CCPG1: variants seen among roughly 807,000 people sequenced by gnomAD.
CCPG1 encodes the protein cell cycle progression protein 1.
In CCPG1, 46 loss-of-function variants were observed where a neutral mutation model predicts 81.3. That is an observed-to-expected ratio of 0.57 (90% CI 0.45 to 0.72). The LOEUF (loss-of-function observed/expected upper bound fraction) is 0.72, where lower values mean the gene tolerates loss of function less well. Ranked by LOEUF, CCPG1 falls within the 30% of genes least tolerant of loss-of-function variation. The pLI, the probability that CCPG1 is intolerant of heterozygous loss-of-function variation, is 0.00. For missense variants in CCPG1, 902 were observed against 937.6 expected (o/e 0.96, Z 0.50); for synonymous variants, 330 against 305.2 (o/e 1.08, Z -0.85).
intron 2 of CCPG1, among the ~76,000 whole-genome samples, chr15:55,387,685 C>A (rs147881191): frequency 0.27 from 41,167 of 151,302 alleles, 6,636 homozygotes; most frequent in Non-Finnish European, 0.37. Flanking sequence ...GCTGGGATTA[C>A]AGGCATGTGC....
chr15:55,401,598 G>A (rs1416409491), intron 1 of CCPG1, among the ~76,000 whole-genome samples: 1 of 151,644 alleles, frequency 6.6e-6, no homozygotes, highest in Non-Finnish European at 1.5e-5. Flanking sequence ...ACCAGGAGGT[G>A]GAGGTTGCAG....
intron 6 of CCPG1, among the ~76,000 whole-genome samples, chr15:55,365,830 G>A (rs568519064): frequency 4.6e-5 from 7 of 151,924 alleles, no homozygotes; most frequent in African/African-American, 9.7e-5. Context: ...AGTGGCTCAC[G>A]CCTGTAATCC....
chr15:55,397,856 A>T (rs916121980), intron 1 of CCPG1, among the ~76,000 whole-genome samples: 1 of 152,152 alleles, frequency 6.6e-6, no homozygotes, highest in Non-Finnish European at 1.5e-5. Flanking sequence ...GGATGCCTGT[A>T]GTCCCAGCTA....
chr15:55,404,486 T>C (rs993290479), intron 1 of CCPG1, among the ~76,000 whole-genome samples: 71 of 152,202 alleles, frequency 4.7e-4, no homozygotes, highest in African/African-American at 1.7e-3. Flanking sequence ...AAAACAAAAA[T>C]AGACATAAGC....
intron 7 of CCPG1, among the ~76,000 whole-genome samples, chr15:55,364,878 A>C (rs2056290031): frequency 6.6e-6 from 1 of 152,154 alleles, no homozygotes; most frequent in Admixed American, 6.5e-5. Flanking sequence ...ATCTCAAATA[A>C]ATAAACAAAC....
chr15:55,376,823 AGTCTT>A (rs2056575949), intron 5 of CCPG1, 121 bp downstream of exon 5: 2 of 665,778 alleles, frequency 3.0e-6, no homozygotes, highest in Admixed American at 2.9e-5. Context: ...ACACAAAAAT[AGTCTT>A]GTCTTGAGTT....
chr15:55,368,209 G>A (rs112815178), intron 6 of CCPG1, among the ~76,000 whole-genome samples: 6 of 152,216 alleles, frequency 3.9e-5, no homozygotes, highest in African/African-American at 1.4e-4. Flanking sequence ...TGTATATCAA[G>A]GGATGACTAT....
chr15:55,360,375 T>C lies in CCPG1; in HGVS notation c.1398A>G (p.Gly466=), dbSNP rs1002626663. 2 of 1,613,936 alleles carry C rather than the reference T, an allele frequency of 1.2e-6. No individual in the cohort carries two copies. The highest frequency in any genetic ancestry group is 1.7e-6 in the Non-Finnish European group (2 of 1,180,024). The change falls in exon 8 of 9, where the codon GGA becomes GGG. Residue 466 remains glycine (G), a synonymous_variant. Transcript: ENST00000442196. The part of the protein sequence containing the change: ...KDQNGKQGTD[G]KKKGGRGSHR... ...GGCTTCCTCTGCCCCCTTTCTTTTT[T>C]CCATCTGTTCCTTGTTTTCCATTTT...
Position 55,355,264 on chromosome 15 carries a change from T to C in CCPG1, c.*956A>G, listed in dbSNP as rs753741353. On this transcript the variant is annotated 3_prime_UTR_variant, in exon 9 of 9. Transcript: ENST00000442196. The stretch of plus-strand genomic sequence containing the variant: ...TCAGCAAAATGTAGCCTTTATTTAC[T>C]TAAACATTTATTTGCTTCTAGGAAA... 1.9e-6 allele frequency: 3 copies of C among 1,582,494 alleles called. No individual in the cohort carries two copies. In the South Asian group the frequency reaches 3.4e-5, roughly 18 times the overall value.
chr15:55,358,718 C>G (rs925688018), intron 8 of CCPG1: 2 of 985,454 alleles, frequency 2.0e-6, no homozygotes, highest in East Asian at 1.1e-4. Context: ...CATTTATTTA[C>G]TTAGCTTGTG....
At chr15:55,364,369 C>A (rs926783902) in intron 7 of CCPG1, among the ~76,000 whole-genome samples, 1 of 149,950 alleles carries the variant, frequency 6.7e-6, no homozygotes, top group Non-Finnish European at 1.5e-5. Context: ...CTTAGAGAGG[C>A]TATAAAACCA....
In CCPG1 at chr15:55,389,370, G is replaced by T. The variant is rs1454631376; in HGVS notation, c.55C>A (p.His19Asn). The change falls in exon 2 of 9, where the codon CAT becomes AAT. Residue 19 changes from histidine (H) to asparagine (N), a missense_variant. This residue lies in a region of CCPG1 where 28 missense variants were observed against 47.8 expected (regional missense o/e 0.59). Coordinates refer to ENST00000442196, the MANE Select transcript of CCPG1 (RefSeq NM_001204450.2). ...AAAAGTATTAAATATCATACCTCATGACTGATGACAGTCCAACCACAAGAT... is the reference window on the plus strand; with the variant it reads ...AAAAGTATTAAATATCATACCTCATTACTGATGACAGTCCAACCACAAGAT... ...DSSCGWTVIS[H>N]EGSDIEMLNS... The T allele has an allele frequency of 1.3e-6, 2 of 1,597,920 alleles. No individual in the cohort carries two copies. The highest frequency in any genetic ancestry group is 1.1e-5 in the South Asian group (1 of 90,702).
intron 3 of CCPG1, among the ~76,000 whole-genome samples, chr15:55,384,174 G>A (rs1595850058): frequency 1.3e-5 from 2 of 152,250 alleles, no homozygotes; most frequent in Non-Finnish European, 2.9e-5. Context: ...CAGGAACAGG[G>A]AGGCCAAAGG....
intron 1 of CCPG1, among the ~76,000 whole-genome samples, chr15:55,407,413 C>A (rs764119533): frequency 6.6e-6 from 1 of 152,160 alleles, no homozygotes; most frequent in African/African-American, 2.4e-5. Flanking sequence ...AGCGATATTT[C>A]AAGCACTATC....
intron 2 of CCPG1, among the ~76,000 whole-genome samples, chr15:55,386,193 CAAAAAAA>C (rs34646724): frequency 5.8e-5 from 6 of 103,862 alleles, no homozygotes; most frequent in African/African-American, 1.4e-4. Flanking sequence ...AATTCCGTCT[CAAAAAAA>C]AAAAAAAAAA....
chr15:55,397,926 G>A (rs765060792), intron 1 of CCPG1, among the ~76,000 whole-genome samples: 8 of 151,876 alleles, frequency 5.3e-5, no homozygotes, highest in Non-Finnish European at 7.4e-5. Flanking sequence ...GCAGTGAGCC[G>A]AGACTATGCC....
chr15:55,400,468 A>G (rs1045184832), intron 1 of CCPG1, among the ~76,000 whole-genome samples: 6 of 152,138 alleles, frequency 3.9e-5, no homozygotes, highest in African/African-American at 1.4e-4. Flanking sequence ...AGATCACACC[A>G]CTGCACTAAG....
chr15:55,365,432 GTTTT>G, intron 6 of CCPG1, 123 bp from the exon 7 acceptor site: 1 of 311,456 alleles, frequency 3.2e-6, no homozygotes, highest in Non-Finnish European at 5.6e-6. Flanking sequence ...TTTTTTTTTT[GTTTT>G]TTTTTTGTTT....
chr15:55,382,611 G>C (rs552580057), intron 3 of CCPG1, among the ~76,000 whole-genome samples: 3 of 151,032 alleles, frequency 2.0e-5, no homozygotes, highest in Admixed American at 6.6e-5. Flanking sequence ...CCAGGTTCAC[G>C]CCATTCTCCT....
Sources: allele counts gnomAD v4.1 joint callset (sites outside exome capture counted in the v4.1 genomes callset), GRCh38; gene constraint gnomAD v4.1.1; regional missense constraint gnomAD v4.1.1; transcripts MANE v1.5; gene names NCBI Gene and HGNC (gene_info 2026-07-23, HGNC 2026-07-21).